The following COLGALT1 variants were observed in gnomAD, a reference collection of about 807,000 sequenced individuals.
COLGALT1 encodes procollagen galactosyltransferase 1.
A neutral mutation model predicts 60.8 loss-of-function variants in COLGALT1; 43 were observed. The observed-to-expected ratio is 0.71, with a 90% CI of 0.55 to 0.91. The LOEUF is 0.91. Ranked by LOEUF, COLGALT1 falls within the 40% of genes least tolerant of loss-of-function variation. The pLI is 0.00. For synonymous variants in COLGALT1, 369 were observed against 374.2 expected (o/e 0.99, Z 0.16); for missense variants, 845 against 880.0 (o/e 0.96, Z 0.50).
rs200984516 is a variant in COLGALT1 at position 17,580,882 on chromosome 19, C to T, written c.1578C>T (p.Pro526=). 58 of 1,613,840 alleles carry T rather than the reference C, an allele frequency of 3.6e-5. 1 individual carries two copies. In the East Asian group the frequency reaches 9.6e-4, roughly 27 times the overall value. The change falls in exon 11 of 12, where the codon CCC becomes CCT. Residue 526 remains proline (P), a synonymous_variant. Transcript: ENST00000252599. ...SKMLPVDEFL[P]VMFDKHPVSE... is the part of the protein sequence containing the mutation. ...TGCTGCCTGTGGACGAGTTCCTGCC[C>T]GTCATGTTCGACAAACACCCAGTGT... is the stretch of plus-strand genomic sequence containing the variant.
rs2076389417 is a variant in COLGALT1 at position 17,582,363 on chromosome 19, A to G, written c.*919A>G. 1 of 152,208 alleles carries G rather than the reference A, an allele frequency of 6.6e-6. No homozygotes were observed. Among genetic ancestry groups the G allele is most frequent in the Admixed American group, 6.5e-5 (1 of 15,274 alleles). 9.4% of individuals were successfully genotyped at this position (152,208 alleles called of 1,614,324 possible). On this transcript the variant is annotated 3_prime_UTR_variant, in exon 12 of 12. Transcript: ENST00000252599. ...CCTGCTGTGTGCAGGGAGCTGAGCT[A>G]TGGGATGGGAATGGGAGTAAACAAG...
chr19:17,571,294 G>A (rs866614502), intron 5 of COLGALT1, among the ~76,000 whole-genome samples: 2 of 152,196 alleles, frequency 1.3e-5, no homozygotes, highest in Middle Eastern at 3.4e-3. Context: ...GTGGGTGCCT[G>A]TAGTCCCAGC....
chr19:17,565,859 C>A (rs993579690), intron 3 of COLGALT1, among the ~76,000 whole-genome samples: 2 of 152,128 alleles, frequency 1.3e-5, no homozygotes, highest in Admixed American at 1.3e-4. Flanking sequence ...CCAGAGGGAC[C>A]GGATGGGGTG....
chr19:17,577,004 T>TGGGGGCGGGGTGAGGC, intron 6 of COLGALT1, 191 bp from the exon 7 acceptor site: 1 of 307,168 alleles, frequency 3.3e-6, no homozygotes, highest in Non-Finnish European at 6.1e-6. Flanking sequence ...GGCCAGGGCT[T>TGGGGGCGGGGTGAGGC]TGGGCTGCTG....
At chr19:17,556,588 G>A (rs2076213331) in intron 1 of COLGALT1, 3 of 963,516 alleles carry the variant, frequency 3.1e-6, no homozygotes, top group South Asian at 9.6e-5. Flanking sequence ...TTTGACTGGT[G>A]ACTTCTCACT....
At chr19:17,577,318 TG>T in intron 7 of COLGALT1, 42 bp from the exon 8 acceptor site, 1 of 1,608,998 alleles carries the variant, frequency 6.2e-7, no homozygotes, top group Non-Finnish European at 8.5e-7. Flanking sequence ...GGAGGGCCCT[TG>T]TTTGCAGGGG....
intron 3 of COLGALT1, among the ~76,000 whole-genome samples, chr19:17,562,524 T>C (rs2076255165): frequency 6.6e-6 from 1 of 152,066 alleles, no homozygotes; most frequent in East Asian, 1.9e-4. Flanking sequence ...TAGCTTGGCA[T>C]GGTGATGCGC....
chr19:17,569,060 C>T (rs890353556), intron 5 of COLGALT1, among the ~76,000 whole-genome samples: 2 of 152,048 alleles, frequency 1.3e-5, no homozygotes, highest in African/African-American at 4.8e-5. Flanking sequence ...GAAACCCCAT[C>T]TCTACTAAAA....
chr19:17,560,489 A>G lies in COLGALT1; in HGVS notation c.489+24A>G, dbSNP rs779285583. 10 of 1,590,436 alleles carry G rather than the reference A, an allele frequency of 6.3e-6. No individual in the cohort carries two copies. In the African/African-American group the frequency reaches 9.4e-5, roughly 15 times the overall value. On this transcript the variant is annotated intron_variant, in intron 3 of 11. Coordinates refer to ENST00000252599, the MANE Select transcript of COLGALT1 (RefSeq NM_024656.4). Reference sequence around the variant, plus strand: ...TGGTAAGTTTCTCAGCCGGCCGGATATGGATCACAGGCAGGTCTGGGTATC... The same window carrying G: ...TGGTAAGTTTCTCAGCCGGCCGGATGTGGATCACAGGCAGGTCTGGGTATC...
chr19:17,575,073 A>G (rs1358711065), intron 6 of COLGALT1, among the ~76,000 whole-genome samples: 1 of 151,870 alleles, frequency 6.6e-6, no homozygotes, highest in Non-Finnish European at 1.5e-5. Context: ...TTTTTTTGAG[A>G]TGGAGTCTTG....
chr19:17,579,853 T>C, intron 10 of COLGALT1: 1 of 529,698 alleles, frequency 1.9e-6, no homozygotes, highest in Admixed American at 3.1e-5. Flanking sequence ...CTAGAGCCTG[T>C]ATGTCTGGGT....
Position 17,560,469 on chromosome 19 carries a change from A to T in COLGALT1, c.489+4A>T. 6.2e-7 allele frequency: 1 copy of T among 1,613,126 alleles called. No homozygotes were observed. The highest frequency in any genetic ancestry group is 1.1e-5 in the South Asian group (1 of 91,054). Reference sequence around the variant, plus strand: ...CATGTGGGCTGATTACATCCTGGTAAGTTTCTCAGCCGGCCGGATATGGAT... The same window carrying T: ...CATGTGGGCTGATTACATCCTGGTATGTTTCTCAGCCGGCCGGATATGGAT... On this transcript the variant is annotated splice_donor_region_variant and intron_variant, in intron 3 of 11. Coordinates refer to ENST00000252599, the MANE Select transcript of COLGALT1 (RefSeq NM_024656.4).
chr19:17,565,073 T>C (rs2076272596), intron 3 of COLGALT1, among the ~76,000 whole-genome samples: 1 of 152,180 alleles, frequency 6.6e-6, no homozygotes, highest in Admixed American at 6.5e-5. Context: ...CTGACTCTTA[T>C]TCCGTTGTCT....
At chr19:17,561,647 A>G (rs1263657004) in intron 3 of COLGALT1, among the ~76,000 whole-genome samples, 3 of 151,590 alleles carry the variant, frequency 2.0e-5, no homozygotes, top group African/African-American at 7.3e-5. Flanking sequence ...AAAAAAAAAA[A>G]AAAAAAAAAC....
At position 17,555,972 on chromosome 19, in the gene COLGALT1, TG is replaced by T; in HGVS notation, c.260+1del. On this transcript the variant is annotated frameshift_variant and splice_region_variant, in exon 1 of 12. Coordinates refer to ENST00000252599, the MANE Select transcript of COLGALT1 (RefSeq NM_024656.4). LOFTEE classifies it high-confidence loss of function. ...GCACCCGCGGGAGCGCACGGCGCTA[TG>T]GTGAGTCGAGCCCGCTGTCCCCATC... Reference protein sequence around the residue: ...LRHPRERTALWVATDHNMDNT... With the variant: ...LRHPRERTALXVATDHNMDNT... 7.4e-7 allele frequency: 1 copy of T among 1,352,618 alleles called. No individual in the cohort carries two copies. The allele number at this position is 1,352,618 out of a possible 1,614,324, so 83.8% of individuals were successfully genotyped here. A position where few individuals can be genotyped will look rare whatever the true frequency, so the allele number is the denominator to read the frequency against.
intron 6 of COLGALT1, among the ~76,000 whole-genome samples, chr19:17,573,211 T>C (rs567231256): frequency 3.4e-4 from 52 of 151,666 alleles, no homozygotes; most frequent in African/African-American, 1.2e-3. Context: ...CTGGGCAACA[T>C]AGTGAGACCC....
At position 17,583,112 on chromosome 19, in the gene COLGALT1, G is replaced by C. The variant is rs570067100; in HGVS notation, c.*1668G>C. On this transcript the variant is annotated 3_prime_UTR_variant, in exon 12 of 12. Coordinates refer to ENST00000252599, the MANE Select transcript of COLGALT1 (RefSeq NM_024656.4). Reference sequence around the variant, plus strand: ...AGCCAGCGGTGCTTCACCCTCTTGGGGATAACTTGCTTAGTTTTTTAATAA... The same window carrying C: ...AGCCAGCGGTGCTTCACCCTCTTGGCGATAACTTGCTTAGTTTTTTAATAA... 2.0e-5 allele frequency: 3 copies of C among 152,334 alleles called. No individual in the cohort carries two copies. In the East Asian group the frequency reaches 5.8e-4, roughly 29 times the overall value. The allele number at this position is 152,334 out of a possible 1,614,324, so 9.4% of individuals were successfully genotyped here.
chr19:17,574,868 C>T (rs1380864936), intron 6 of COLGALT1, among the ~76,000 whole-genome samples: 1 of 151,762 alleles, frequency 6.6e-6, no homozygotes, highest in South Asian at 2.1e-4. Context: ...GTTGTCATTT[C>T]CTTTTTTTGA....
Position 17,555,845 on chromosome 19 carries a change from C to G in COLGALT1, c.132C>G (p.Ser44Arg). The stretch of plus-strand genomic sequence containing the variant: ...CCTACTTCCCCGAGGAGCGCTGGAG[C>G]CCGGAGTCGCCCCTGCAGGCGCCGC... The part of the protein sequence containing the change: ...ADAYFPEERW[S>R]PESPLQAPRV... Residue 44 changes from serine (S) to arginine (R), a missense_variant, in exon 1 of 12, where the codon AGC becomes AGG. Physicochemically the swap from Ser to Arg is moderately radical, Grantham distance 110 (BLOSUM62 -1). Transcript: ENST00000252599. The G allele has an allele frequency of 1.8e-5, 24 of 1,354,584 alleles. No individual in the cohort carries two copies. Among genetic ancestry groups the G allele is most frequent in the Non-Finnish European group, 2.2e-5 (23 of 1,050,104 alleles). 83.9% of individuals were successfully genotyped at this position (1,354,584 alleles called of 1,614,324 possible).
Sources: gnomAD v4.1 joint callset for allele counts (sites outside exome capture counted in the v4.1 genomes callset) on GRCh38, gnomAD v4.1.1 for gene constraint, MANE v1.5 for transcripts, NCBI Gene and HGNC (gene_info 2026-07-23, HGNC 2026-07-21) for gene names.